Variants in QRICH2 observed in about 807,000 individuals in gnomAD.
QRICH2 encodes glutamine rich 2.
A neutral mutation model predicts 168.3 loss-of-function variants in QRICH2; 119 were observed. The ratio of observed to expected loss-of-function variants is 0.71; its 90% CI spans 0.61 to 0.82. QRICH2 has a LOEUF of 0.82. Ranked by LOEUF, QRICH2 falls within the 40% of genes least tolerant of loss-of-function variation. QRICH2 has a pLI of 0.00. For synonymous variants in QRICH2, 894 were observed against 951.2 expected (o/e 0.94, Z 1.11); for missense variants, 2,241 against 2,491.6 (o/e 0.90, Z 2.14).
intron 7 of QRICH2, among the ~76,000 whole-genome samples, chr17:76,284,168 CAAAAAAAAAA>C (rs61553346): frequency 0.039 from 2,456 of 62,722 alleles, 168 homozygotes; most frequent in Middle Eastern, 0.088. Context: ...ACTCTGTCTC[CAAAAAAAAAA>C]AAAAAAAAAA....
Position 76,307,797 on chromosome 17 carries a change from A to C in QRICH2, c.202T>G (p.Phe68Val), listed in dbSNP as rs2051779587. The C allele has an allele frequency of 7.3e-7, 1 of 1,366,448 alleles. No individual in the cohort carries two copies. The highest frequency in any genetic ancestry group is 9.4e-7 in the Non-Finnish European group (1 of 1,063,614). 84.6% of individuals were successfully genotyped at this position (1,366,448 alleles called of 1,614,324 possible). A position where few individuals can be genotyped will look rare whatever the true frequency, so the allele number is the denominator to read the frequency against. ...SRSLQSVRSS[F>V]SIPHLPAPKE... ...GGCGCGGGCAGGTGCGGGATGCTGA[A>C]CGAGCTCCGGACGGACTGCAGCGAG... The change falls in exon 1 of 19, where the codon TTC (phenylalanine) becomes GTC (valine). Residue 68 changes from phenylalanine (F) to valine (V), a missense_variant. Around this residue, in one of 3 missense-constraint regions of QRICH2, gnomAD observed 2,047 missense variants for 2,303.8 expected, o/e 0.89. Coordinates refer to ENST00000680821, the MANE Select transcript of QRICH2 (RefSeq NM_001388453.1). This position sits in a 1 kb window ranked among gnomAD's most constrained non-coding sequence, Gnocchi z 5.3.
chr17:76,288,977 A>G (rs1347760749), intron 5 of QRICH2, among the ~76,000 whole-genome samples: 1 of 146,338 alleles, frequency 6.8e-6, no homozygotes, highest in Non-Finnish European at 1.5e-5. Context: ...GGTGGCGAGC[A>G]CCTGTAGTCC....
intron 7 of QRICH2, 94 bp from the exon 8 acceptor site, chr17:76,282,209 C>T: frequency 6.2e-6 from 9 of 1,452,588 alleles, no homozygotes; most frequent in Non-Finnish European, 8.2e-6. Flanking sequence ...GTGTGCCTCT[C>T]CCCTGTCGTG....
intron 14 of QRICH2, 122 bp from the exon 15 acceptor site, chr17:76,278,311 T>G (rs2070727208): frequency 1.2e-5 from 11 of 919,784 alleles, no homozygotes; most frequent in Non-Finnish European, 1.8e-5. Context: ...TGGGGGTCGC[T>G]GGGCAGCTTG....
At chr17:76,282,910 G>A (rs1431988114) in intron 7 of QRICH2, among the ~76,000 whole-genome samples, 1 of 152,234 alleles carries the variant, frequency 6.6e-6, no homozygotes, top group Non-Finnish European at 1.5e-5. Context: ...GAGCGCGAGG[G>A]AGAGCAAGGT....
chr17:76,310,530 A>G (rs1362099128), upstream of QRICH2: 7 of 151,634 alleles, frequency 4.6e-5, no homozygotes, highest in African/African-American at 1.7e-4. Context: ...CAGTGGTACA[A>G]TCATAGTTCA....
chr17:76,274,759 G>A (rs1467799487), intron 18 of QRICH2, among the ~76,000 whole-genome samples: 1 of 152,124 alleles, frequency 6.6e-6, no homozygotes, highest in African/African-American at 2.4e-5. Flanking sequence ...CAGCCTCTGG[G>A]CCAGAGGGCT....
chr17:76,279,612 C>A (rs2070749540), intron 12 of QRICH2, among the ~76,000 whole-genome samples, 184 bp from the exon 13 acceptor site: 1 of 152,178 alleles, frequency 6.6e-6, no homozygotes, highest in African/African-American at 2.4e-5. Flanking sequence ...TAACCCAAAG[C>A]CAGCAGGCTT....
intron 1 of QRICH2, among the ~76,000 whole-genome samples, chr17:76,306,886 C>CA (rs201292145): frequency 0.024 from 3,314 of 137,292 alleles, 112 homozygotes; most frequent in African/African-American, 0.077. Context: ...GACTCCTTCT[C>CA]AAAAAAAAAA....
At chr17:76,287,155 C>T (rs777889651) in intron 7 of QRICH2, 37 bp downstream of exon 7, 1 of 1,465,628 alleles carries the variant, frequency 6.8e-7, no homozygotes, top group African/African-American at 1.4e-5. Context: ...TGAGAAGGGC[C>T]CTTGGTCCCT....
In QRICH2 at chr17:76,278,202, A is replaced by G. The variant is rs754910655; in HGVS notation, c.4917-13T>C. On this transcript the variant is annotated splice_polypyrimidine_tract_variant and intron_variant, in intron 14 of 18. Transcript: ENST00000680821. ...GCCCAGCTTGAGGCTGCAGGGTGTGAGCAGAACAGAGGGAGGGTTGGCCCA... is the reference window on the plus strand; with the variant it reads ...GCCCAGCTTGAGGCTGCAGGGTGTGGGCAGAACAGAGGGAGGGTTGGCCCA... 5 of 1,601,806 alleles carry G rather than the reference A, an allele frequency of 3.1e-6. No homozygotes were observed. The highest frequency in any genetic ancestry group is 4.2e-6 in the Non-Finnish European group (5 of 1,179,544).
intron 6 of QRICH2, among the ~76,000 whole-genome samples, chr17:76,287,557 T>G (rs944004109): frequency 1.3e-5 from 2 of 152,140 alleles, no homozygotes; most frequent in Admixed American, 6.5e-5. Context: ...AGCCTCCGAC[T>G]GGGGACACAG....
chr17:76,279,879 C>G (rs2070754274), intron 12 of QRICH2, among the ~76,000 whole-genome samples, 154 bp downstream of exon 12: 1 of 152,170 alleles, frequency 6.6e-6, no homozygotes, highest in South Asian at 2.1e-4. Context: ...AAGAGCGTTT[C>G]AAGCTCTAAA....
rs760966271 is a variant in QRICH2 at position 76,292,968 on chromosome 17, G to A, written c.1759C>T (p.Gln587Ter). Residue 587 changes from glutamine (Q) to a stop codon, truncating the protein, a stop_gained, in exon 4 of 19, where the codon CAG becomes TAG. Coordinates refer to ENST00000680821, the MANE Select transcript of QRICH2 (RefSeq NM_001388453.1). LOFTEE classifies it high-confidence loss of function. ...QRALVQRGAY[Q>*]PGLVQPGADQ... ...GCACCAGGTTGGACCAAGCCAGGCT[G>A]ATATGCACCACGCTGCACCAAAGCA... is the stretch of plus-strand genomic sequence containing the variant. 37 of 1,614,046 alleles carry A rather than the reference G, an allele frequency of 2.3e-5. No homozygotes were observed. Among genetic ancestry groups the A allele is most frequent in the Non-Finnish European group, 3.1e-5 (36 of 1,180,058 alleles).
At chr17:76,294,111 T>C in intron 3 of QRICH2, 90 bp from the exon 4 acceptor site, 4 of 1,480,884 alleles carry the variant, frequency 2.7e-6, no homozygotes, top group Non-Finnish European at 3.6e-6. Context: ...CTGACTAGGA[T>C]GATTTAGGGC....
At chr17:76,286,153 C>G (rs969236444) in intron 7 of QRICH2, among the ~76,000 whole-genome samples, 2 of 148,586 alleles carry the variant, frequency 1.3e-5, no homozygotes, top group Non-Finnish European at 3.0e-5. Flanking sequence ...CCAGCCTAGG[C>G]GAGAGAGCAA....
chr17:76,300,120 G>A (rs1359749031), intron 3 of QRICH2, among the ~76,000 whole-genome samples: 2 of 151,978 alleles, frequency 1.3e-5, no homozygotes, highest in Non-Finnish European at 2.9e-5. Flanking sequence ...GTGAGCCACC[G>A]CACCTGGCCA....
upstream of QRICH2, among the ~76,000 whole-genome samples, chr17:76,309,305 A>G (rs1397910498): frequency 1.6e-4 from 24 of 150,538 alleles, no homozygotes; most frequent in Non-Finnish European, 2.7e-4. Flanking sequence ...GCAGTGAGCC[A>G]AGATCGCACC....
At position 76,284,168 on chromosome 17, in the gene QRICH2, C is replaced by CAA. The variant is rs61553346; in HGVS notation, c.4012-2055_4012-2054dup. The stretch of plus-strand genomic sequence containing the variant: ...GGGCAACAGAGCAAAACTCTGTCTC[C>CAA]AAAAAAAAAAAAAAAAAAAAAAAAA... On this transcript the variant is annotated intron_variant, in intron 7 of 18. Transcript: ENST00000680821. 6.9e-4 allele frequency among the ~76,000 whole-genome samples: 43 copies of CAA among 62,730 alleles called. 1 individual carries two copies. The highest frequency in any genetic ancestry group is 1.2e-3 in the South Asian group (3 of 2,460). 41.2% of individuals were successfully genotyped at this position (62,730 alleles called of 152,430 possible).
Sources: allele counts gnomAD v4.1 joint callset (sites outside exome capture counted in the v4.1 genomes callset), GRCh38; gene constraint gnomAD v4.1.1; regional missense constraint gnomAD v4.1.1; non-coding constraint Gnocchi (gnomAD v3.1); transcripts MANE v1.5; gene names NCBI Gene and HGNC (gene_info 2026-07-23, HGNC 2026-07-21).